The following LRCH3 variants were observed in gnomAD, a reference collection of about 807,000 sequenced individuals.
The protein encoded by LRCH3 is leucine rich repeats and calponin homology domain containing 3, also known as DISP complex protein LRCH3.
Under a neutral mutation model 104.5 loss-of-function variants are expected in LRCH3, and 68 were observed. That is an observed-to-expected ratio of 0.65 (90% CI 0.54 to 0.80). The LOEUF (loss-of-function observed/expected upper bound fraction) is 0.80, where lower values mean the gene tolerates loss of function less well. Ranked by LOEUF, LRCH3 falls within the 30% of genes least tolerant of loss-of-function variation. The pLI is 0.00. For synonymous variants in LRCH3, 344 were observed against 361.3 expected, an observed-to-expected ratio of 0.95 and a Z score of 0.54; for missense variants, 951 against 953.9, an observed-to-expected ratio of 1.00 and a Z score of 0.04.
chr3:197,880,045 C>T (rs183106282), intron 20 of LRCH3, among the ~76,000 whole-genome samples: 2 of 148,230 alleles, frequency 1.3e-5, no homozygotes, highest in East Asian at 3.9e-4. Flanking sequence ...TCCCGGGTTC[C>T]CGCCATTCTC....
In LRCH3 at chr3:197,847,944, C is replaced by T; in HGVS notation, c.1453C>T (p.Leu485Phe). ...AGAGCGCACTCGGAGAGAGGCTCAG[C>T]TTGCTGCCCTGCAGTATGAGGAGGA... ...LVERTRREAQ[L>F]AALQYEEEKI... is the part of the protein sequence containing the mutation. The change falls in exon 12 of 21, where the codon CTT becomes TTT. Residue 485 changes from leucine to phenylalanine, a missense_variant. Coordinates refer to ENST00000425562, the MANE Select transcript of LRCH3 (RefSeq NM_001365715.1). The T allele has an allele frequency of 2.5e-6, 4 of 1,614,076 alleles. No individual in the cohort carries two copies. Among genetic ancestry groups the T allele is most frequent in the Non-Finnish European group, 3.4e-6 (4 of 1,179,974 alleles).
rs1419174263 is a variant in LRCH3, at chr3:197,887,624, GAC to G, written c.*3960_*3961del. The G allele has an allele frequency of 7.0e-6, 1 of 143,192 alleles. No individual in the cohort carries two copies. Among genetic ancestry groups the G allele is most frequent in the East Asian group, 2.2e-4 (1 of 4,572 alleles). The allele number at this position is 143,192 out of a possible 1,614,324, so 8.9% of individuals were successfully genotyped here. A position where few individuals can be genotyped will look rare whatever the true frequency, so the allele number is the denominator to read the frequency against. On this transcript the variant is annotated 3_prime_UTR_variant, in exon 21 of 21. Transcript: ENST00000425562. ...CCCTAGCAGAGCCCTTCCCATCACT[GAC>G]AGTGTCTGGGGCTGAGAGCCCCCCC...
rs562702780 is a variant in LRCH3, at chr3:197,854,932, T to G, written c.1644+487T>G. Among the ~76,000 whole-genome samples the G allele has an allele frequency of 9.2e-5, 14 of 152,364 alleles. No individual in the cohort carries two copies. Among genetic ancestry groups the G allele is most frequent in the Non-Finnish European group, 2.1e-4 (14 of 68,034 alleles). ...AGATTATTCCTTCATGTTCACTTTT[T>G]AAACCCAAGGAAACATTAACTGCTG... On this transcript the variant is annotated intron_variant, in intron 14 of 20. Coordinates refer to ENST00000425562, the MANE Select transcript of LRCH3 (RefSeq NM_001365715.1). This position sits in a 1 kb window ranked among gnomAD's most constrained non-coding sequence, Gnocchi z 4.5.
At chr3:197,880,099 C>G (rs567671345) in intron 20 of LRCH3, among the ~76,000 whole-genome samples, 1 of 151,124 alleles carries the variant, frequency 6.6e-6, no homozygotes, top group Non-Finnish European at 1.5e-5. Context: ...GCGCCCGCCA[C>G]CACGCCCGGC....
Position 197,820,306 on chromosome 3 carries a change from T to C in LRCH3, c.535-19T>C. ...TTGTAATGTTAGGACAATCTTTATT[T>C]TGTATCTTTTCGAAATAGGATGTGA... On this transcript the variant is annotated intron_variant, in intron 3 of 20. Transcript: ENST00000425562. 1 of 1,528,962 alleles carries C rather than the reference T, an allele frequency of 6.5e-7. No individual in the cohort carries two copies. Among genetic ancestry groups the C allele is most frequent in the Non-Finnish European group, 9.1e-7 (1 of 1,103,376 alleles). The allele number at this position is 1,528,962 out of a possible 1,614,324, so 94.7% of individuals were successfully genotyped here. A position where few individuals can be genotyped will look rare whatever the true frequency, so the allele number is the denominator to read the frequency against.
intron 12 of LRCH3, chr3:197,850,366 T>TTCTTTTTA: frequency 1.0e-6 from 1 of 962,828 alleles, no homozygotes; most frequent in Non-Finnish European, 1.5e-6. Flanking sequence ...TTTTTTTTTT[T>TTCTTTTTA]TTCCTTTTAA....
chr3:197,792,574 A>ATT (rs1491387962), intron 1 of LRCH3, among the ~76,000 whole-genome samples: 2 of 10,108 alleles, frequency 2.0e-4, no homozygotes, highest in African/African-American at 6.3e-4. Flanking sequence ...CGCCCAGCTA[A>ATT]TTTTATATAT....
chr3:197,793,426 T>G (rs1470748969), intron 1 of LRCH3, among the ~76,000 whole-genome samples: 1 of 152,216 alleles, frequency 6.6e-6, no homozygotes, highest in African/African-American at 2.4e-5. Flanking sequence ...CACCTCAGAT[T>G]TCCTGCTTCT....
intron 4 of LRCH3, among the ~76,000 whole-genome samples, chr3:197,825,852 T>C (rs954838832): frequency 1.3e-5 from 2 of 152,176 alleles, no homozygotes; most frequent in Admixed American, 6.5e-5. Context: ...GTTCCAACCA[T>C]TCTTATGAAT....
chr3:197,880,625 C>T, intron 20 of LRCH3: 1 of 1,536,772 alleles, frequency 6.5e-7, no homozygotes, highest in Non-Finnish European at 8.7e-7. Flanking sequence ...TTGTCTGTCT[C>T]TCTCTGCAGC....
At chr3:197,859,291 G>T (rs1309406260) in intron 15 of LRCH3, 2 of 202,858 alleles carry the variant, frequency 9.9e-6, no homozygotes, top group Non-Finnish European at 2.0e-5. Context: ...TACAGTAGGG[G>T]TCAACCAACT....
rs539944140 is a variant in LRCH3 at position 197,794,919 on chromosome 3, C to T, written c.262+3379C>T. Among the ~76,000 whole-genome samples, 242 of 151,896 alleles carry T rather than the reference C, an allele frequency of 1.6e-3. 1 individual carries two copies. The highest frequency in any genetic ancestry group is 3.3e-3 in the Admixed American group (50 of 15,246). ...ACTTGAGAGGGTGAGGCACGAGACT[C>T]GCTTGAACCCAGGAGGCGGAGGTTG... On this transcript the variant is annotated intron_variant, in intron 1 of 20. Coordinates refer to ENST00000425562, the MANE Select transcript of LRCH3 (RefSeq NM_001365715.1).
rs1291361078 is a variant in LRCH3, at chr3:197,856,336, A to AT, written c.1644+1898dup. ...ATAGTGTATTACTGTTGTCACGGTA[A>AT]TTTTTTTATCATGGTAGTTTTATTT... On this transcript the variant is annotated intron_variant, in intron 14 of 20. Coordinates refer to ENST00000425562, the MANE Select transcript of LRCH3 (RefSeq NM_001365715.1). The surrounding 1 kb of genome is among the most constrained non-coding windows in gnomAD (Gnocchi z 4.2). Among the ~76,000 whole-genome samples the AT allele has an allele frequency of 6.6e-6, 1 of 152,022 alleles. No homozygotes were observed. The highest frequency in any genetic ancestry group is 2.4e-5 in the African/African-American group (1 of 41,414).
intron 20 of LRCH3, among the ~76,000 whole-genome samples, chr3:197,880,001 G>A (rs189852685): frequency 0.029 from 4,322 of 147,954 alleles, 183 homozygotes; most frequent in African/African-American, 0.09. Flanking sequence ...GCTGGAGTGC[G>A]GTGGCGCGAT....
Position 197,870,146 on chromosome 3 carries a change from T to C in LRCH3, c.1874-14T>C. On this transcript the variant is annotated splice_polypyrimidine_tract_variant and intron_variant, in intron 17 of 20. Transcript: ENST00000425562. ...CCAGTTGCCTTTCTGTCTTACATAT[T>C]AATATTTTTATAGGTCATGCTTCAC... is the stretch of plus-strand genomic sequence containing the variant. 1 of 1,609,882 alleles carries C rather than the reference T, an allele frequency of 6.2e-7. No individual in the cohort carries two copies. The highest frequency in any genetic ancestry group is 8.5e-7 in the Non-Finnish European group (1 of 1,177,524).
At chr3:197,829,443 G>A (rs1232852643) in intron 5 of LRCH3, 121 bp from the exon 6 acceptor site, 6 of 552,178 alleles carry the variant, frequency 1.1e-5, no homozygotes, top group African/African-American at 1.9e-5. Context: ...AAATATTACT[G>A]TATGTACTTG....
At position 197,856,734 on chromosome 3, in the gene LRCH3, G is replaced by A. The variant is rs1325333540; in HGVS notation, c.1645-2100G>A. 6.6e-6 allele frequency among the ~76,000 whole-genome samples: 1 copy of A among 152,054 alleles called. No homozygotes were observed. The highest frequency in any genetic ancestry group is 1.5e-5 in the Non-Finnish European group (1 of 68,014). ...TTTCTGTTGGACTACTAGACTATAA[G>A]CTTCATGAACACAAGGATATTCTAT... On this transcript the variant is annotated intron_variant, in intron 14 of 20. Coordinates refer to ENST00000425562, the MANE Select transcript of LRCH3 (RefSeq NM_001365715.1). This position sits in a 1 kb window ranked among gnomAD's most constrained non-coding sequence, Gnocchi z 4.2.
intron 10 of LRCH3, among the ~76,000 whole-genome samples, chr3:197,846,566 A>G (rs543685055): frequency 3.3e-5 from 5 of 151,138 alleles, no homozygotes; most frequent in Non-Finnish European, 5.9e-5. Flanking sequence ...AACAAAAAAA[A>G]CAAAGACAGC....
chr3:197,883,307 T>C lies in LRCH3; in HGVS notation c.2209-234T>C. ...ATAGATATATGCTACTTGTCAATTT[T>C]CCAATTTTGAAAATGATCTGTATGT... On this transcript the variant is annotated intron_variant, in intron 20 of 20. Transcript: ENST00000425562. This position sits in a 1 kb window ranked among gnomAD's most constrained non-coding sequence, Gnocchi z 4.2. 2 of 1,300,178 alleles carry C rather than the reference T, an allele frequency of 1.5e-6. No individual in the cohort carries two copies. Among genetic ancestry groups the C allele is most frequent in the Non-Finnish European group, 2.0e-6 (2 of 1,022,202 alleles). 80.5% of individuals were successfully genotyped at this position (1,300,178 alleles called of 1,614,324 possible). A position where few individuals can be genotyped will look rare whatever the true frequency, so the allele number is the denominator to read the frequency against.
Sources: allele counts gnomAD v4.1 joint callset (sites outside exome capture counted in the v4.1 genomes callset), GRCh38; gene constraint gnomAD v4.1.1; non-coding constraint Gnocchi (gnomAD v3.1); transcripts MANE v1.5; gene names NCBI Gene and HGNC (gene_info 2026-07-23, HGNC 2026-07-21).